Variants in FGF12 observed in about 807,000 individuals in gnomAD.
FGF12 encodes the protein fibroblast growth factor 12B.
A neutral mutation model predicts 23.6 loss-of-function variants in FGF12; 14 were observed. That is an observed-to-expected ratio of 0.59 (90% confidence interval 0.39 to 0.93). The LOEUF (loss-of-function observed/expected upper bound fraction) is 0.93. Ranked by LOEUF, FGF12 falls within the 40% of genes least tolerant of loss-of-function variation. The pLI is 0.00. For synonymous variants in FGF12, 62 were observed against 77.3 expected, an observed-to-expected ratio of 0.80 and a Z score of 1.04; for missense variants, 175 against 217.8, an observed-to-expected ratio of 0.80 and a Z score of 1.24.
At chr3:192,593,660 A>C (rs901471637) in intron 2 of FGF12, among the ~76,000 whole-genome samples, 2 of 151,934 alleles carry the variant, frequency 1.3e-5, no homozygotes, top group African/African-American at 2.4e-5. Context: ...AAACAAACGA[A>C]CCGAAAAACA....
At chr3:192,423,232 A>G (rs1176404310) in intron 2 of FGF12, among the ~76,000 whole-genome samples, 1 of 152,144 alleles carries the variant, frequency 6.6e-6, no homozygotes, top group Non-Finnish European at 1.5e-5. Context: ...TAATTAAAGT[A>G]TGTATAGCTT....
intron 2 of FGF12, among the ~76,000 whole-genome samples, chr3:192,491,223 C>G (rs1723791809): frequency 6.6e-6 from 1 of 152,054 alleles, no homozygotes; most frequent in South Asian, 2.1e-4. Context: ...CTTTGTATTA[C>G]AATGTTTGTA....
intron 2 of FGF12, among the ~76,000 whole-genome samples, chr3:192,679,214 T>C (rs1428879880): frequency 1.3e-5 from 2 of 152,146 alleles, no homozygotes; most frequent in East Asian, 3.8e-4. Context: ...AAGTCTGGGA[T>C]GCAAGAATGT....
intron 2 of FGF12, among the ~76,000 whole-genome samples, chr3:192,647,712 C>CATAT (rs113508070): frequency 4.9e-5 from 7 of 142,916 alleles, no homozygotes; most frequent in African/African-American, 1.8e-4. Flanking sequence ...TGTATATATA[C>CATAT]ATATATATAT....
intron 2 of FGF12, among the ~76,000 whole-genome samples, chr3:192,426,747 T>C (rs1402093168): frequency 1.3e-5 from 2 of 152,190 alleles, no homozygotes; most frequent in Non-Finnish European, 2.9e-5. Context: ...TTAGCTATGT[T>C]TGAAAGAGAG....
intron 2 of FGF12, among the ~76,000 whole-genome samples, chr3:192,497,217 C>T (rs370508452): frequency 1.2e-4 from 18 of 152,182 alleles, no homozygotes; most frequent in Non-Finnish European, 2.4e-4. Flanking sequence ...CTCTTCACCT[C>T]GTTGCTCAGG....
intron 2 of FGF12, among the ~76,000 whole-genome samples, chr3:192,485,065 C>T (rs1157067570): frequency 6.6e-6 from 1 of 151,596 alleles, no homozygotes; most frequent in Non-Finnish European, 1.5e-5. Context: ...TATATGTGTA[C>T]ACATAAATTT....
intron 4 of FGF12, among the ~76,000 whole-genome samples, chr3:192,252,462 CAAAAAAAAAAAA>C (rs56920518): frequency 9.8e-3 from 269 of 27,508 alleles, no homozygotes; most frequent in Non-Finnish European, 0.015. Context: ...GAATCTGTCT[CAAAAAAAAAAAA>C]AAAAAAAAAA....
chr3:192,606,786 G>C (rs1008226067), intron 2 of FGF12, among the ~76,000 whole-genome samples: 8 of 152,102 alleles, frequency 5.3e-5, no homozygotes, highest in African/African-American at 1.9e-4. Flanking sequence ...CTATTCTCAA[G>C]TCTGGGCTAT....
chr3:192,319,743 C>A (rs899268636), intron 4 of FGF12, among the ~76,000 whole-genome samples: 3 of 152,080 alleles, frequency 2.0e-5, no homozygotes, highest in Non-Finnish European at 4.4e-5. Flanking sequence ...CTCTTTGCTT[C>A]TTTGTTAGTT....
intron 3 of FGF12, among the ~76,000 whole-genome samples, chr3:192,344,456 C>T (rs994859538): frequency 2.0e-5 from 3 of 152,020 alleles, no homozygotes; most frequent in African/African-American, 7.2e-5. Context: ...AGAATGTAAA[C>T]ATCAACATAC....
chr3:192,532,947 T>C (rs1054909882), intron 2 of FGF12, among the ~76,000 whole-genome samples: 2 of 152,176 alleles, frequency 1.3e-5, no homozygotes, highest in African/African-American at 2.4e-5. Flanking sequence ...AATTGTTTTC[T>C]CTAACCTTAT....
intron 2 of FGF12, among the ~76,000 whole-genome samples, chr3:192,427,559 C>T (rs562115761): frequency 9.9e-5 from 15 of 152,196 alleles, no homozygotes; most frequent in Admixed American, 3.9e-4. Context: ...GACAATCTGA[C>T]GTTAATTCTA....
intron 2 of FGF12, among the ~76,000 whole-genome samples, chr3:192,422,735 G>T (rs1007406737): frequency 2.6e-5 from 4 of 152,106 alleles, no homozygotes; most frequent in Admixed American, 6.6e-5. Flanking sequence ...AAGTAACTTG[G>T]CTAAGGTTAT....
At chr3:192,299,770 G>A (rs993924023) in intron 4 of FGF12, among the ~76,000 whole-genome samples, 2 of 152,136 alleles carry the variant, frequency 1.3e-5, no homozygotes, top group Non-Finnish European at 2.9e-5. Flanking sequence ...TGAGGAGAAC[G>A]ACTGGAATGC....
At chr3:192,649,628 T>C (rs4687350) in intron 2 of FGF12, among the ~76,000 whole-genome samples, 86,418 of 151,580 alleles carry the variant, frequency 0.57, 25,024 homozygotes, top group East Asian at 0.67. Context: ...TCTTGGCTCA[T>C]TGCAACCTCT....
intron 5 of FGF12, among the ~76,000 whole-genome samples, chr3:192,158,384 TTTCTTTCTC>T (rs1560171553): frequency 8.0e-5 from 5 of 62,770 alleles, no homozygotes; most frequent in East Asian, 5.6e-4. Context: ...CTTTCTTTCT[TTTCTTTCTC>T]TCTCTTTCTT....
At chr3:192,627,429 T>A (rs1715212684) in intron 2 of FGF12, among the ~76,000 whole-genome samples, 1 of 152,184 alleles carries the variant, frequency 6.6e-6, no homozygotes, top group Non-Finnish European at 1.5e-5. Context: ...ATTTTATTCA[T>A]TTTTCTGATT....
chr3:192,505,086 G>A (rs1024954770), intron 2 of FGF12, among the ~76,000 whole-genome samples: 1 of 152,008 alleles, frequency 6.6e-6, no homozygotes, highest in African/African-American at 2.4e-5. Flanking sequence ...GACCTGTAAT[G>A]TCATTCCATA....
Sources: gnomAD v4.1 joint callset for allele counts (sites outside exome capture counted in the v4.1 genomes callset) on GRCh38, gnomAD v4.1.1 for gene constraint, MANE v1.5 for transcripts, NCBI Gene and HGNC (gene_info 2026-07-23, HGNC 2026-07-21) for gene names.